The following PROKR2 variants were observed in gnomAD, a reference collection of about 807,000 sequenced individuals.
The protein encoded by PROKR2 is prokineticin receptor 2.
A neutral mutation model predicts 23.4 loss-of-function variants in PROKR2; 26 were observed. The ratio of observed to expected loss-of-function variants is 1.11; its 90% CI spans 0.81 to 1.54. PROKR2 has a LOEUF of 1.54. PROKR2 is among the 40% of genes most tolerant of loss of function. The probability of loss-of-function intolerance (pLI) is 0.00; values close to 1 mark genes in which losing one functional copy is unlikely to be tolerated. For synonymous variants in PROKR2, 212 were observed against 201.2 expected (o/e 1.05, Z -0.45); for missense variants, 453 against 511.5 (o/e 0.89, Z 1.10).
Position 5,300,519 on chromosome 20 carries a change from C to G in PROKR2, c.*1521G>C, listed in dbSNP as rs1478704203. 6.6e-6 allele frequency among the ~76,000 whole-genome samples: 1 copy of G among 152,228 alleles called. No homozygotes were observed. The highest frequency in any genetic ancestry group is 1.5e-5 in the Non-Finnish European group (1 of 68,050). On this transcript the variant is annotated 3_prime_UTR_variant, in exon 3 of 3. Coordinates refer to ENST00000678254, the MANE Select transcript of PROKR2 (RefSeq NM_144773.4). ...AATAAACTGTTCAATATCACTTCTC[C>G]ATTCTTATCGTGTGCACAGTTGAAA...
At chr20:5,310,439 T>C (rs1979393759) in intron 2 of PROKR2, among the ~76,000 whole-genome samples, 1 of 152,188 alleles carries the variant, frequency 6.6e-6, no homozygotes, top group Non-Finnish European at 1.5e-5. Context: ...CACAAGCCTA[T>C]CTAATTCTGG....
At chr20:5,305,052 A>T (rs1439300899) in intron 2 of PROKR2, among the ~76,000 whole-genome samples, 3 of 152,250 alleles carry the variant, frequency 2.0e-5, no homozygotes, top group Non-Finnish European at 2.9e-5. Flanking sequence ...AAAATCAGTG[A>T]GTCAGGCCAC....
At position 5,301,444 on chromosome 20, in the gene PROKR2, C is replaced by A. The variant is rs1171282166; in HGVS notation, c.*596G>T. ...ACAGGGTTTCACCATGTTGGCCAGC[C>A]TGGGTTGAACTCCTGACCTCAAGTG... On this transcript the variant is annotated 3_prime_UTR_variant, in exon 3 of 3. Transcript: ENST00000678254. Among the ~76,000 whole-genome samples, 1 of 152,130 alleles carries A rather than the reference C, an allele frequency of 6.6e-6. No individual in the cohort carries two copies. The highest frequency in any genetic ancestry group is 1.5e-5 in the Non-Finnish European group (1 of 68,014).
rs748456023 is a variant in PROKR2 at position 5,302,498 on chromosome 20, C to T, written c.697G>A (p.Val233Met). The T allele has an allele frequency of 2.5e-5, 40 of 1,614,064 alleles. No homozygotes were observed. The highest frequency in any genetic ancestry group is 2.9e-5 in the Non-Finnish European group (34 of 1,180,040). ...YFLFIFGVEF[V>M]GPVVTMTLCY... ...AGGGTCATGGTGACCACAGGGCCCA[C>T]GAACTCGACACCAAAGATGAAGAGG... is the stretch of plus-strand genomic sequence containing the variant. Residue 233 changes from valine to methionine, a missense_variant, in exon 3 of 3, where the codon GTG becomes ATG. Physicochemically the swap from Val to Met is conservative, Grantham distance 21 (BLOSUM62 1). Transcript: ENST00000678254.
At position 5,316,311 on chromosome 20, in the gene PROKR2, C is replaced by G. The variant is rs779562150; in HGVS notation, c.-9+183G>C. ...CGTACCCTACCCGGTCCTAGAGGGC[C>G]CAGAGGGGATCTCCTGAAACCAACT... is the stretch of plus-strand genomic sequence containing the variant. On this transcript the variant is annotated intron_variant, in intron 1 of 2. Coordinates refer to ENST00000678254, the MANE Select transcript of PROKR2 (RefSeq NM_144773.4). The surrounding 1 kb of genome is among the most constrained non-coding windows in gnomAD (Gnocchi z 5.0). 2 of 456,682 alleles carry G rather than the reference C, an allele frequency of 4.4e-6. No individual in the cohort carries two copies. The highest frequency in any genetic ancestry group is 3.1e-5 in the South Asian group (2 of 64,572). The allele number at this position is 456,682 out of a possible 1,614,324, so 28.3% of individuals were successfully genotyped here. A position where few individuals can be genotyped will look rare whatever the true frequency, so the allele number is the denominator to read the frequency against.
At position 5,316,260 on chromosome 20, in the gene PROKR2, G is replaced by A. The variant is rs1208092747; in HGVS notation, c.-9+234C>T. ...CTACCCGCTGGCTCCCTCTGCCCGC[G>A]CCCGCACACCACAGACTCCGCTTAC... On this transcript the variant is annotated intron_variant, in intron 1 of 2. Coordinates refer to ENST00000678254, the MANE Select transcript of PROKR2 (RefSeq NM_144773.4). This position sits in a 1 kb window ranked among gnomAD's most constrained non-coding sequence, Gnocchi z 5.0. The A allele has an allele frequency of 2.2e-6, 1 of 456,608 alleles. No individual in the cohort carries two copies. Among genetic ancestry groups the A allele is most frequent in the East Asian group, 7.0e-5 (1 of 14,362 alleles). 28.3% of individuals were successfully genotyped at this position (456,608 alleles called of 1,614,324 possible).
Position 5,314,335 on chromosome 20 carries a change from G to C in PROKR2, c.35C>G (p.Pro12Arg), listed in dbSNP as rs147773715. 287 of 1,614,114 alleles carry C rather than the reference G, an allele frequency of 1.8e-4. No individual in the cohort carries two copies. The African/African-American group carries it at 3.7e-3, about 21-fold the overall frequency. Reference sequence around the variant, plus strand: ...ATGGTCTTGGGGTGGATTAAAGTTGGGTGTGAAACTGGTGTTTCCATTCTG... The same window carrying C: ...ATGGTCTTGGGGTGGATTAAAGTTGCGTGTGAAACTGGTGTTTCCATTCTG... ...AAQNGNTSFTPNFNPPQDHAS... is the reference protein window; with the variant it reads ...AAQNGNTSFTRNFNPPQDHAS... The change falls in exon 2 of 3, where the codon CCC becomes CGC. Residue 12 changes from proline to arginine, a missense_variant. Physicochemically the swap from Pro to Arg is moderately radical, Grantham distance 103. Transcript: ENST00000678254.
chr20:5,314,295 G>A lies in PROKR2; in HGVS notation c.75C>T (p.Ser25=), dbSNP rs1214562734. 6.2e-7 allele frequency: 1 copy of A among 1,614,082 alleles called. No individual in the cohort carries two copies. The highest frequency in any genetic ancestry group is 8.5e-7 in the Non-Finnish European group (1 of 1,180,052). Reference sequence around the variant, plus strand: ...CATAATCACCATAACTGAAGTTAAAGGAGAGGGAGGAGGCATGGTCTTGGG... The same window carrying A: ...CATAATCACCATAACTGAAGTTAAAAGAGAGGGAGGAGGCATGGTCTTGGG... ...NPPQDHASSL[S]FNFSYGDYDL... is the part of the protein sequence containing the mutation. The change falls in exon 2 of 3, where the codon TCC becomes TCT. Residue 25 remains serine (S), a synonymous_variant. Coordinates refer to ENST00000678254, the MANE Select transcript of PROKR2 (RefSeq NM_144773.4).
chr20:5,307,576 C>G (rs565595100), intron 2 of PROKR2, among the ~76,000 whole-genome samples: 1 of 152,222 alleles, frequency 6.6e-6, no homozygotes, highest in African/African-American at 2.4e-5. Flanking sequence ...TGCTGCGCAA[C>G]GAATCCTATG....
rs1978934969 is a variant in PROKR2 at position 5,300,198 on chromosome 20, T to A, written c.*1842A>T. On this transcript the variant is annotated 3_prime_UTR_variant, in exon 3 of 3. Coordinates refer to ENST00000678254, the MANE Select transcript of PROKR2 (RefSeq NM_144773.4). ...ACCTACAGTTACCACAAATGTATAA[T>A]ACAAACAGATTCAGAAGTGATATTT... Among the ~76,000 whole-genome samples the A allele has an allele frequency of 6.6e-6, 1 of 151,686 alleles. No homozygotes were observed. The highest frequency in any genetic ancestry group is 2.4e-5 in the African/African-American group (1 of 41,272).
In PROKR2 at chr20:5,316,297, C is replaced by G. The variant is rs1454974156; in HGVS notation, c.-9+197G>C. 2.2e-6 allele frequency: 1 copy of G among 456,582 alleles called. No individual in the cohort carries two copies. The highest frequency in any genetic ancestry group is 2.0e-5 in the African/African-American group (1 of 50,088). 28.3% of individuals were successfully genotyped at this position (456,582 alleles called of 1,614,324 possible). On this transcript the variant is annotated intron_variant, in intron 1 of 2. Transcript: ENST00000678254. The surrounding 1 kb of genome is among the most constrained non-coding windows in gnomAD (Gnocchi z 5.0). ...CAGACTCCGCTTACCGTACCCTACC[C>G]GGTCCTAGAGGGCCCAGAGGGGATC...
At chr20:5,307,694 A>C (rs2122213329) in intron 2 of PROKR2, among the ~76,000 whole-genome samples, 1 of 152,358 alleles carries the variant, frequency 6.6e-6, no homozygotes, top group South Asian at 2.1e-4. Flanking sequence ...AAATGGTCAG[A>C]TGGTAGAAAT....
chr20:5,313,627 C>G (rs2122221867), intron 2 of PROKR2, among the ~76,000 whole-genome samples: 1 of 152,338 alleles, frequency 6.6e-6, no homozygotes, highest in East Asian at 1.9e-4. Flanking sequence ...AGCTGCCTGC[C>G]CTTTCTGCTT....
At chr20:5,308,369 G>A (rs1033220323) in intron 2 of PROKR2, among the ~76,000 whole-genome samples, 9 of 152,188 alleles carry the variant, frequency 5.9e-5, no homozygotes, top group African/African-American at 9.6e-5. Context: ...GCTTAAAGGC[G>A]TTCTTAAACC....
At chr20:5,308,997 C>T (rs1211189376) in intron 2 of PROKR2, among the ~76,000 whole-genome samples, 8 of 152,166 alleles carry the variant, frequency 5.3e-5, no homozygotes. Context: ...CTACCCCAAC[C>T]GCTGGCTGCA....
rs1978973112 is a variant in PROKR2 at position 5,301,205 on chromosome 20, GT to G, written c.*834del. 2.3e-5 allele frequency among the ~76,000 whole-genome samples: 2 copies of G among 87,770 alleles called. No individual in the cohort carries two copies. Among genetic ancestry groups the G allele is most frequent in the African/African-American group, 8.1e-5 (2 of 24,546 alleles). The allele number at this position is 87,770 out of a possible 152,430, so 57.6% of individuals were successfully genotyped here. On this transcript the variant is annotated 3_prime_UTR_variant, in exon 3 of 3. Coordinates refer to ENST00000678254, the MANE Select transcript of PROKR2 (RefSeq NM_144773.4). The stretch of plus-strand genomic sequence containing the variant: ...TAAGAGTCTTCTTCTATAGCCGTTG[GT>G]TGTTGTTGTTGTTGTTTTGTTGTTT...
chr20:5,307,515 A>G (rs1223053305), intron 2 of PROKR2, among the ~76,000 whole-genome samples: 5 of 152,242 alleles, frequency 3.3e-5, no homozygotes, highest in African/African-American at 1.2e-4. Flanking sequence ...ACCTGGCCAG[A>G]AATAATGAAC....
At chr20:5,313,564 G>A (rs181484683) in intron 2 of PROKR2, among the ~76,000 whole-genome samples, 93 of 152,326 alleles carry the variant, frequency 6.1e-4, no homozygotes, top group African/African-American at 2.2e-3. Flanking sequence ...CCTAGTACAT[G>A]TTTTCCTGAC....
rs150152513 is a variant in PROKR2, at chr20:5,314,754, G to C, written c.-8-377C>G. ...TGTGCACCTTTGCCCTTTGCCCAGG[G>C]GCCAGGGCCTCTTTGTCTGCCCAGT... On this transcript the variant is annotated intron_variant, in intron 1 of 2. Transcript: ENST00000678254. Among the ~76,000 whole-genome samples, 520 of 152,300 alleles carry C rather than the reference G, an allele frequency of 3.4e-3. 3 individuals carry two copies. The highest frequency in any genetic ancestry group is 0.012 in the African/African-American group (497 of 41,550).
Sources: gnomAD v4.1 joint callset for allele counts (sites outside exome capture counted in the v4.1 genomes callset) on GRCh38, gnomAD v4.1.1 for gene constraint, Gnocchi (gnomAD v3.1) non-coding constraint, MANE v1.5 for transcripts, NCBI Gene and HGNC (gene_info 2026-07-23, HGNC 2026-07-21) for gene names.